The following ADCY9 variants were observed in gnomAD, a reference collection of about 807,000 sequenced individuals.
ADCY9 encodes adenylate cyclase 9.
ADCY9 carries 50 observed loss-of-function variants against 101.5 expected under a neutral mutation model. That is an observed-to-expected ratio of 0.49 (90% CI 0.39 to 0.62). ADCY9 has a LOEUF of 0.62. ADCY9 is among the 20% of genes least tolerant of loss of function. The probability of loss-of-function intolerance (pLI) is 0.00; values close to 1 mark genes in which losing one functional copy is unlikely to be tolerated. For missense variants in ADCY9, 1,662 were observed against 1,800.4 expected (o/e 0.92, Z 1.39); for synonymous variants, 905 against 769.3 (o/e 1.18, Z -2.92).
At chr16:3,982,866 C>T (rs538310845) in intron 7 of ADCY9, 11 of 244,928 alleles carry the variant, frequency 4.5e-5, no homozygotes, top group South Asian at 4.4e-4. Flanking sequence ...TCTGAAGAGG[C>T]GCCTGCTGTC....
At chr16:4,099,583 C>A (rs546245894) in intron 2 of ADCY9, among the ~76,000 whole-genome samples, 3 of 152,284 alleles carry the variant, frequency 2.0e-5, no homozygotes, top group South Asian at 2.1e-4. Flanking sequence ...TCAAAGACCA[C>A]TGGGGTTGCA....
chr16:4,035,409 T>C (rs991718824), intron 2 of ADCY9, among the ~76,000 whole-genome samples: 1 of 152,246 alleles, frequency 6.6e-6, no homozygotes, highest in Non-Finnish European at 1.5e-5. Flanking sequence ...TTATGAGTCA[T>C]TACTCTGAAA....
At chr16:3,985,895 T>G (rs1481402284) in intron 6 of ADCY9, among the ~76,000 whole-genome samples, 2 of 152,062 alleles carry the variant, frequency 1.3e-5, no homozygotes, top group Admixed American at 1.3e-4. Context: ...CCCACCCCTG[T>G]GCATCCCGGG....
intron 2 of ADCY9, among the ~76,000 whole-genome samples, chr16:4,040,582 G>A (rs997845376): frequency 2.6e-5 from 4 of 151,564 alleles, no homozygotes; most frequent in African/African-American, 9.7e-5. Context: ...TCGGCCTCCC[G>A]AGTAGCTAGG....
chr16:4,046,262 C>T (rs1384876736), intron 2 of ADCY9, among the ~76,000 whole-genome samples: 2 of 152,004 alleles, frequency 1.3e-5, no homozygotes, highest in African/African-American at 4.8e-5. Flanking sequence ...ACACAGTGCC[C>T]AGCACTGAAC....
chr16:4,090,191 C>G (rs1421739873), intron 2 of ADCY9, among the ~76,000 whole-genome samples: 1 of 152,072 alleles, frequency 6.6e-6, no homozygotes, highest in Non-Finnish European at 1.5e-5. Context: ...CCCCCACGCC[C>G]TATGGATACT....
At chr16:3,991,501 C>T (rs561669834) in intron 5 of ADCY9, among the ~76,000 whole-genome samples, 1 of 152,264 alleles carries the variant, frequency 6.6e-6, no homozygotes, top group South Asian at 2.1e-4. Flanking sequence ...AGGCTCACAC[C>T]TGTAATCCCA....
In ADCY9 at chr16:3,966,037, T is replaced by C. The variant is rs768729134; in HGVS notation, c.3800A>G (p.Asp1267Gly). The C allele has an allele frequency of 6.2e-7, 1 of 1,614,222 alleles. No individual in the cohort carries two copies. Among genetic ancestry groups the C allele is most frequent in the Non-Finnish European group, 8.5e-7 (1 of 1,180,034 alleles). Residue 1267 changes from aspartate (D) to glycine (G), a missense_variant, in exon 11 of 11, where the codon GAT becomes GGT. By Grantham distance (94) the Asp-to-Gly change is moderately conservative. This residue lies in a region of ADCY9 where 168 missense variants were observed against 155.3 expected (regional missense o/e 1.08). Coordinates refer to ENST00000294016, the MANE Select transcript of ADCY9 (RefSeq NM_001116.4). ...SISPDIRVQV[D>G]GSIGRSPTDE... is the part of the protein sequence containing the mutation. The stretch of plus-strand genomic sequence containing the variant: ...TGTGGGAGACCGTCCGATGCTGCCA[T>C]CCACCTGGACGCGGATGTCTGGGGA...
chr16:4,108,706 CT>C lies in ADCY9; in HGVS notation c.1693+5043del, dbSNP rs112428707. ...ATATCTTTAATAACTGTCCCTCACA[CT>C]TTTTTTTTTTTTTTTGAGACAGGGT... On this transcript the variant is annotated intron_variant, in intron 2 of 10. Coordinates refer to ENST00000294016, the MANE Select transcript of ADCY9 (RefSeq NM_001116.4). Among the ~76,000 whole-genome samples the C allele has an allele frequency of 1.5e-3, 192 of 124,512 alleles. 2 individuals carry two copies. Among genetic ancestry groups the C allele is most frequent in the South Asian group, 5.0e-3 (19 of 3,786 alleles). 81.7% of individuals were successfully genotyped at this position (124,512 alleles called of 152,430 possible).
At chr16:3,999,499 T>G in intron 3 of ADCY9, among the ~76,000 whole-genome samples, 1 of 152,222 alleles carries the variant, frequency 6.6e-6, no homozygotes, top group East Asian at 1.9e-4. Flanking sequence ...GGAATAATCC[T>G]GGCACCTTGC....
chr16:4,061,181 A>C, intron 2 of ADCY9, among the ~76,000 whole-genome samples: 1 of 152,084 alleles, frequency 6.6e-6, no homozygotes, highest in Non-Finnish European at 1.5e-5. Context: ...ATAAAAAAGC[A>C]TAAAGAAAAA....
intron 2 of ADCY9, among the ~76,000 whole-genome samples, chr16:4,084,213 G>A (rs374313701): frequency 9.4e-4 from 143 of 152,222 alleles, no homozygotes; most frequent in African/African-American, 3.3e-3. Flanking sequence ...CTGGGTTCAA[G>A]TGATTCTCCT....
intron 2 of ADCY9, among the ~76,000 whole-genome samples, chr16:4,038,026 C>G (rs1393537285): frequency 6.6e-6 from 1 of 152,216 alleles, no homozygotes; most frequent in East Asian, 1.9e-4. Context: ...GTAATCCCAA[C>G]AGTTTGGGAG....
At chr16:4,061,733 A>C (rs1178925099) in intron 2 of ADCY9, among the ~76,000 whole-genome samples, 1 of 152,230 alleles carries the variant, frequency 6.6e-6, no homozygotes, top group Admixed American at 6.5e-5. Flanking sequence ...TTCAAGATGA[A>C]AGAAAAAAAC....
intron 2 of ADCY9, among the ~76,000 whole-genome samples, chr16:4,111,719 C>T (rs1235135119): frequency 6.6e-6 from 1 of 151,992 alleles, no homozygotes; most frequent in Non-Finnish European, 1.5e-5. Context: ...GCTAAGCCTT[C>T]TATCTTCCCT....
chr16:4,011,020 G>A (rs372577271), intron 2 of ADCY9, among the ~76,000 whole-genome samples: 6 of 152,234 alleles, frequency 3.9e-5, no homozygotes, highest in African/African-American at 9.6e-5. Flanking sequence ...AGAAATTTCC[G>A]TGCTGTATAG....
chr16:4,090,147 G>T (rs1285395165), intron 2 of ADCY9, among the ~76,000 whole-genome samples: 1 of 152,040 alleles, frequency 6.6e-6, no homozygotes, highest in Non-Finnish European at 1.5e-5. Context: ...CTGACTTGGA[G>T]GGGACTCCAG....
chr16:3,972,768 G>T (rs2056063655), intron 10 of ADCY9, among the ~76,000 whole-genome samples: 1 of 152,078 alleles, frequency 6.6e-6, no homozygotes, highest in Non-Finnish European at 1.5e-5. Context: ...CAGGTCGGGG[G>T]AGAGGGGGTC....
chr16:4,114,608 A>AGTGCAG lies in ADCY9; in HGVS notation c.829_834dup (p.Leu277_His278dup). ...AGCAGCCCCCTGCTCAGCAGCTCCCAGTGCAGGGCCCCGGCTCCGGGCGAG... is the reference window on the plus strand; with the variant it reads ...AGCAGCCCCCTGCTCAGCAGCTCCCAGTGCAGGTGCAGGGCCCCGGCTCCGGGCGAG... On this transcript the variant is annotated inframe_insertion, in exon 2 of 11. Coordinates refer to ENST00000294016, the MANE Select transcript of ADCY9 (RefSeq NM_001116.4). The surrounding 1 kb of genome is among the most constrained non-coding windows in gnomAD (Gnocchi z 4.3). The AGTGCAG allele has an allele frequency of 6.2e-7, 1 of 1,613,804 alleles. No individual in the cohort carries two copies. The highest frequency in any genetic ancestry group is 1.3e-5 in the African/African-American group (1 of 75,060).
Sources: gnomAD v4.1 joint callset for allele counts (sites outside exome capture counted in the v4.1 genomes callset) on GRCh38, gnomAD v4.1.1 for gene constraint, gnomAD v4.1.1 regional missense constraint, Gnocchi (gnomAD v3.1) non-coding constraint, MANE v1.5 for transcripts, NCBI Gene and HGNC (gene_info 2026-07-23, HGNC 2026-07-21) for gene names.